The following GDE1 variants were observed in gnomAD, a reference collection of about 807,000 sequenced individuals.
GDE1 encodes glycerophosphodiester phosphodiesterase 1.
A neutral mutation model predicts 32.2 loss-of-function variants in GDE1; 24 were observed. The ratio of observed to expected loss-of-function variants is 0.75; its 90% CI spans 0.54 to 1.05. GDE1 has a LOEUF of 1.05. Ranked by LOEUF, GDE1 falls within the 50% of genes least tolerant of loss-of-function variation. The pLI, the probability that GDE1 is intolerant of heterozygous loss-of-function variation, is 0.00. For missense variants in GDE1, 380 were observed against 415.0 expected (o/e 0.92, Z 0.73); for synonymous variants, 159 against 158.6 (o/e 1.00, Z -0.02).
intron 2 of GDE1, among the ~76,000 whole-genome samples, chr16:19,516,330 A>C (rs1049057585): frequency 6.6e-6 from 1 of 152,180 alleles, no homozygotes; most frequent in African/African-American, 2.4e-5. Flanking sequence ...CCCTTGAGTA[A>C]ATAATTTAAC....
At chr16:19,518,211 A>T (rs1031868853) in intron 1 of GDE1, among the ~76,000 whole-genome samples, 2 of 152,124 alleles carry the variant, frequency 1.3e-5, no homozygotes, top group South Asian at 2.1e-4. Flanking sequence ...TTAATTTTTT[A>T]AAAAATATTT....
intron 1 of GDE1, chr16:19,521,483 A>T: frequency 1.7e-6 from 1 of 574,456 alleles, no homozygotes; most frequent in African/African-American, 1.9e-5. Context: ...CCTTAGCGTC[A>T]GGCGCACAGA....
chr16:19,521,415 TC>T, intron 1 of GDE1: 1 of 420,976 alleles, frequency 2.4e-6, no homozygotes. Flanking sequence ...CCTCCCCCAT[TC>T]CGATGTACAC....
intron 2 of GDE1, among the ~76,000 whole-genome samples, chr16:19,512,935 G>GTGTGTT: frequency 6.7e-6 from 1 of 148,332 alleles, no homozygotes; most frequent in Non-Finnish European, 1.5e-5. Flanking sequence ...TTTTGTGTGT[G>GTGTGTT]TGTGTGTGTG....
chr16:19,501,771 C>T lies in GDE1; in HGVS notation c.*1699G>A, dbSNP rs1196495453. The T allele has an allele frequency of 6.6e-6, 1 of 152,172 alleles. No individual in the cohort carries two copies. The highest frequency in any genetic ancestry group is 1.5e-5 in the Non-Finnish European group (1 of 68,022). 9.4% of individuals were successfully genotyped at this position (152,172 alleles called of 1,614,324 possible). ...TTTGCAAATGCTGATTCAAAACGTA[C>T]CAATCCCCATCTATCATGCCTATGC... On this transcript the variant is annotated 3_prime_UTR_variant, in exon 6 of 6. Coordinates refer to ENST00000353258, the MANE Select transcript of GDE1 (RefSeq NM_016641.4).
chr16:19,515,347 T>C (rs570154080), intron 2 of GDE1, among the ~76,000 whole-genome samples: 10 of 152,198 alleles, frequency 6.6e-5, no homozygotes, highest in Non-Finnish European at 1.3e-4. Flanking sequence ...TCTGTTCCAA[T>C]AGTGGAGCAA....
intron 1 of GDE1, among the ~76,000 whole-genome samples, chr16:19,519,626 A>G (rs141047753): frequency 7.2e-5 from 11 of 152,342 alleles, no homozygotes; most frequent in Admixed American, 4.6e-4. Context: ...TCTCCTATAT[A>G]TACTAATATG....
At chr16:19,516,908 AC>A (rs1969386992) in intron 2 of GDE1, 105 bp downstream of exon 2, 1 of 1,001,654 alleles carries the variant, frequency 1.0e-6, no homozygotes. Context: ...ACAGTTCAAA[AC>A]AAAACAAGAC....
intron 4 of GDE1, 117 bp from the exon 5 acceptor site, chr16:19,505,209 C>T (rs527799526): frequency 3.4e-5 from 24 of 699,284 alleles, no homozygotes; most frequent in South Asian, 1.0e-4. Flanking sequence ...TACCCTGCCC[C>T]GGTATCTACT....
In GDE1 at chr16:19,515,820, G is replaced by A. The variant is rs150062402; in HGVS notation, c.437+1194C>T. Among the ~76,000 whole-genome samples, 13 of 152,108 alleles carry A rather than the reference G, an allele frequency of 8.5e-5. No homozygotes were observed. In the East Asian group the frequency reaches 1.9e-3, roughly 23 times the overall value. On this transcript the variant is annotated intron_variant, in intron 2 of 5. Transcript: ENST00000353258. ...AAATACTTAATTTTCCAAGAGAATC[G>A]ATCATTGTCTGGATAATTGATATTA...
In GDE1 at chr16:19,505,779, C is replaced by G. The variant is rs185262919; in HGVS notation, c.637-687G>C. ...CCATGACAGCTTCTATTGATAGGCTCTATCCTCACTGTAAAAATTTTCAAT... is the reference window on the plus strand; with the variant it reads ...CCATGACAGCTTCTATTGATAGGCTGTATCCTCACTGTAAAAATTTTCAAT... On this transcript the variant is annotated intron_variant, in intron 4 of 5. Transcript: ENST00000353258. Among the ~76,000 whole-genome samples, 43 of 152,292 alleles carry G rather than the reference C, an allele frequency of 2.8e-4. 1 individual carries two copies. The East Asian group carries it at 7.3e-3, about 26-fold the overall frequency.
At chr16:19,516,914 C>T (rs1597237162) in intron 2 of GDE1, 100 bp downstream of exon 2, 3 of 1,045,094 alleles carry the variant, frequency 2.9e-6, no homozygotes, top group Non-Finnish European at 4.3e-6. Flanking sequence ...CAAAACAAAA[C>T]AAGACAACTC....
intron 3 of GDE1, 59 bp from the exon 4 acceptor site, chr16:19,507,838 G>T: frequency 1.3e-6 from 1 of 781,368 alleles, no homozygotes; most frequent in African/African-American, 1.7e-5. Flanking sequence ...GATAGCCCCA[G>T]CCAATAACTA....
At position 19,503,267 on chromosome 16, in the gene GDE1, A is replaced by C. The variant is rs550842789; in HGVS notation, c.*203T>G. ...TTTTCAGACCCAGATTTTCAAGAGC[A>C]ACAGTGTTGAACTCTGGCATGCCAT... is the stretch of plus-strand genomic sequence containing the variant. On this transcript the variant is annotated 3_prime_UTR_variant, in exon 6 of 6. Coordinates refer to ENST00000353258, the MANE Select transcript of GDE1 (RefSeq NM_016641.4). The C allele has an allele frequency of 1.8e-6, 1 of 555,266 alleles. No homozygotes were observed. Among genetic ancestry groups the C allele is most frequent in the Admixed American group, 3.1e-5 (1 of 32,108 alleles). 34.4% of individuals were successfully genotyped at this position (555,266 alleles called of 1,614,324 possible).
In GDE1 at chr16:19,507,797, T is replaced by G; in HGVS notation, c.544-18A>C. 1 of 1,153,496 alleles carries G rather than the reference T, an allele frequency of 8.7e-7. No homozygotes were observed. The highest frequency in any genetic ancestry group is 1.3e-6 in the Non-Finnish European group (1 of 771,758). The allele number at this position is 1,153,496 out of a possible 1,614,324, so 71.5% of individuals were successfully genotyped here. A position where few individuals can be genotyped will look rare whatever the true frequency, so the allele number is the denominator to read the frequency against. On this transcript the variant is annotated intron_variant, in intron 3 of 5. Transcript: ENST00000353258. ...TCAGTAGCCTGTAAAATAAAGAGAT[T>G]CATATATTTAAAATTGATTAAAATG...
chr16:19,504,891 A>C lies in GDE1; in HGVS notation c.838T>G (p.Phe280Val). Reference protein sequence around the residue: ...GISAFLMQKDFVSPAYLKKWS... With the variant: ...GISAFLMQKDVVSPAYLKKWS... The stretch of plus-strand genomic sequence containing the variant: ...AACCTTCCAACTTACGGGGATACAA[A>C]ATCCTTTTGCATGAGGAAAGCTGAA... The change falls in exon 5 of 6, where the codon TTT becomes GTT. Residue 280 changes from phenylalanine to valine, a missense_variant. Physicochemically the swap from Phe to Val is conservative, Grantham distance 50. Coordinates refer to ENST00000353258, the MANE Select transcript of GDE1 (RefSeq NM_016641.4). The C allele has an allele frequency of 6.2e-7, 1 of 1,608,356 alleles. No individual in the cohort carries two copies. Among genetic ancestry groups the C allele is most frequent in the Non-Finnish European group, 8.5e-7 (1 of 1,175,668 alleles).
At chr16:19,511,712 C>T (rs928734365) in intron 2 of GDE1, among the ~76,000 whole-genome samples, 2 of 152,054 alleles carry the variant, frequency 1.3e-5, no homozygotes, top group South Asian at 4.1e-4. Context: ...CTCCTCTTCC[C>T]CCAACCCCAA....
At chr16:19,504,860 A>C in intron 5 of GDE1, 21 bp downstream of exon 5, 1 of 1,514,826 alleles carries the variant, frequency 6.6e-7, no homozygotes, top group Non-Finnish European at 9.1e-7. Flanking sequence ...TCTGGGTAAA[A>C]TAAAAAACCT....
At position 19,503,453 on chromosome 16, in the gene GDE1, C is replaced by G; in HGVS notation, c.*17G>C. ...CCCCTGGCAGTTTCTGAACCCGTTT[C>G]GTCCCACCGTGAAAGTCTAGAAGTG... is the stretch of plus-strand genomic sequence containing the variant. On this transcript the variant is annotated 3_prime_UTR_variant, in exon 6 of 6. Transcript: ENST00000353258. The G allele has an allele frequency of 1.2e-6, 2 of 1,611,240 alleles. No individual in the cohort carries two copies. Among genetic ancestry groups the G allele is most frequent in the Non-Finnish European group, 1.7e-6 (2 of 1,178,152 alleles).
Sources: allele counts gnomAD v4.1 joint callset (sites outside exome capture counted in the v4.1 genomes callset), GRCh38; gene constraint gnomAD v4.1.1; transcripts MANE v1.5; gene names NCBI Gene and HGNC (gene_info 2026-07-23, HGNC 2026-07-21).